The following CECR2 variants were observed in gnomAD, a reference collection of about 807,000 sequenced individuals.
The protein encoded by CECR2 is CECR2 histone acetyl-lysine reader.
A neutral mutation model predicts 154.5 loss-of-function variants in CECR2; 30 were observed. The ratio of observed to expected loss-of-function variants is 0.19; its 90% confidence interval spans 0.15 to 0.26. The LOEUF (loss-of-function observed/expected upper bound fraction) is 0.26. Among genes scored for constraint, CECR2 ranks in the 10% least tolerant of loss-of-function variants. CECR2 has a pLI of 1.00. For missense variants in CECR2, 1,743 were observed against 1,829.3 expected, an observed-to-expected ratio of 0.95 and a Z score of 0.86; for synonymous variants, 725 against 683.7, an observed-to-expected ratio of 1.06 and a Z score of -0.94.
At chr22:17,538,302 T>C (rs2056467998) in intron 10 of CECR2, among the ~76,000 whole-genome samples, 1 of 152,208 alleles carries the variant, frequency 6.6e-6, no homozygotes, top group South Asian at 2.1e-4. Context: ...AACCCCACAT[T>C]TTATAGATGA....
At chr22:17,396,471 C>T (rs145445531) in intron 1 of CECR2, among the ~76,000 whole-genome samples, 7,984 of 152,174 alleles carry the variant, frequency 0.052, 330 homozygotes, top group African/African-American at 0.12. Flanking sequence ...CGCTTGAACC[C>T]GGGAGGCGGA....
Position 17,450,680 on chromosome 22 carries a change from A to G in CECR2, c.127-26908A>G, listed in dbSNP as rs570710464. Among the ~76,000 whole-genome samples, 5 of 152,324 alleles carry G rather than the reference A, an allele frequency of 3.3e-5. No homozygotes were observed. In the South Asian group the frequency reaches 1.0e-3, roughly 32 times the overall value. On this transcript the variant is annotated intron_variant, in intron 1 of 18. Transcript: ENST00000262608. ...TATCTGTGTGGATGTACTTCCTTCT[A>G]TTTAATAATAGTACATTACTCCATC...
At position 17,462,170 on chromosome 22, in the gene CECR2, C is replaced by T. The variant is rs139457928; in HGVS notation, c.127-15418C>T. The stretch of plus-strand genomic sequence containing the variant: ...CTGTAATCCCAGCATTTTGGGAGGC[C>T]GAGGCAGGCGGATCACGAGGTCAGG... On this transcript the variant is annotated intron_variant, in intron 1 of 18. Transcript: ENST00000262608. 0.023 allele frequency among the ~76,000 whole-genome samples: 3,479 copies of T among 151,350 alleles called. 200 individuals carry two copies. In the East Asian group the frequency reaches 0.24, roughly 11 times the overall value.
At chr22:17,507,423 A>G (rs1046879274) in intron 7 of CECR2, among the ~76,000 whole-genome samples, 4 of 152,234 alleles carry the variant, frequency 2.6e-5, no homozygotes, top group Admixed American at 1.3e-4. Context: ...TAAAGTAACA[A>G]TGATGTAAAG....
At chr22:17,385,614 T>C (rs1314712573) in intron 1 of CECR2, among the ~76,000 whole-genome samples, 21 of 152,166 alleles carry the variant, frequency 1.4e-4, no homozygotes, top group Admixed American at 1.2e-3. Flanking sequence ...ACATAACAGA[T>C]TTAATAATAA....
chr22:17,378,519 A>G (rs571623836), intron 1 of CECR2, among the ~76,000 whole-genome samples: 4 of 151,512 alleles, frequency 2.6e-5, no homozygotes, highest in South Asian at 4.2e-4. Flanking sequence ...GATGGTCGCA[A>G]TCTCCTGACC....
chr22:17,504,716 C>T (rs185764794), intron 6 of CECR2, 131 bp from the exon 7 acceptor site: 9,977 of 694,894 alleles, frequency 0.014, 104 homozygotes, highest in Non-Finnish European at 0.019. Flanking sequence ...GCTGGGATTA[C>T]AGGCTTGAGC....
At chr22:17,499,235 C>T (rs1023162396) in intron 3 of CECR2, among the ~76,000 whole-genome samples, 175 bp from the exon 4 acceptor site, 7 of 151,920 alleles carry the variant, frequency 4.6e-5, no homozygotes, top group Non-Finnish European at 8.8e-5. Context: ...ATGATTTGCC[C>T]GCCTCAGCCT....
intron 1 of CECR2, among the ~76,000 whole-genome samples, chr22:17,476,397 G>C (rs1284575756): frequency 6.6e-6 from 1 of 151,860 alleles, no homozygotes; most frequent in Non-Finnish European, 1.5e-5. Context: ...TAGTAGCTGG[G>C]ATCACAGGTG....
Position 17,535,660 on chromosome 22 carries a change from A to G in CECR2, c.1109-1443A>G, listed in dbSNP as rs964481411. On this transcript the variant is annotated intron_variant, in intron 9 of 18. Transcript: ENST00000262608. ...TATTCATTAATTTACAGTTTTCTTT[A>G]TGGTTGAAATTTTTCTTTTTTTTCC... 2.0e-5 allele frequency among the ~76,000 whole-genome samples: 3 copies of G among 149,230 alleles called. No individual in the cohort carries two copies. The South Asian group carries it at 6.3e-4, about 31-fold the overall frequency.
chr22:17,391,415 A>G (rs2063324569), intron 1 of CECR2, among the ~76,000 whole-genome samples: 1 of 152,240 alleles, frequency 6.6e-6, no homozygotes, highest in African/African-American at 2.4e-5. Flanking sequence ...AGTAATTACA[A>G]CAGAGAGTTG....
intron 17 of CECR2, among the ~76,000 whole-genome samples, chr22:17,549,777 CTTTTTGGTTTTTTT>C (rs2056677963): frequency 1.3e-5 from 1 of 74,342 alleles, no homozygotes; most frequent in Non-Finnish European, 2.7e-5. Context: ...ACCCAGCTAA[CTTTTTGGTTTTTTT>C]TTTTTTTTTT....
intron 9 of CECR2, among the ~76,000 whole-genome samples, chr22:17,528,229 A>G (rs1039489202): frequency 6.6e-6 from 1 of 152,238 alleles, no homozygotes; most frequent in African/African-American, 2.4e-5. Flanking sequence ...TCAGCCATAA[A>G]AACAGAAAGA....
In CECR2 at chr22:17,381,395, C is replaced by T. The variant is rs1416464117; in HGVS notation, c.126+11486C>T. 1.1e-4 allele frequency among the ~76,000 whole-genome samples: 16 copies of T among 152,192 alleles called. No homozygotes were observed. The East Asian group carries it at 1.3e-3, about 13-fold the overall frequency. ...TTTTTTTTTAACACGGAACACTTCA[C>T]GACTCTGCGTGTCATCTTGCATAGG... On this transcript the variant is annotated intron_variant, in intron 1 of 18. Transcript: ENST00000262608.
At chr22:17,410,337 A>G (rs185132495) in intron 1 of CECR2, among the ~76,000 whole-genome samples, 1 of 152,252 alleles carries the variant, frequency 6.6e-6, no homozygotes, top group East Asian at 1.9e-4. Flanking sequence ...ATTTGTTTAT[A>G]TAGCGTAAGC....
chr22:17,539,754 A>G (rs931434391), intron 13 of CECR2, among the ~76,000 whole-genome samples: 1 of 152,184 alleles, frequency 6.6e-6, no homozygotes, highest in Non-Finnish European at 1.5e-5. Context: ...CCCTGCTTAA[A>G]AACAGCAGAT....
In CECR2 at chr22:17,412,927, G is replaced by A. The variant is rs538866379; in HGVS notation, c.126+43018G>A. Among the ~76,000 whole-genome samples the A allele has an allele frequency of 1.6e-4, 25 of 152,152 alleles. No individual in the cohort carries two copies. In the East Asian group the frequency reaches 2.3e-3, roughly 14 times the overall value. On this transcript the variant is annotated intron_variant, in intron 1 of 18. Coordinates refer to ENST00000262608, the MANE Select transcript of CECR2 (RefSeq NM_001290047.2). Reference sequence around the variant, plus strand: ...TTGAAGACGATGCTGCTTTTTTTGCGGCTAGGCTGCAGTCGGACTTCTGAT... The same window carrying A: ...TTGAAGACGATGCTGCTTTTTTTGCAGCTAGGCTGCAGTCGGACTTCTGAT...
At chr22:17,496,929 TC>T (rs1174146334) in intron 2 of CECR2, among the ~76,000 whole-genome samples, 1 of 152,214 alleles carries the variant, frequency 6.6e-6, no homozygotes, top group Non-Finnish European at 1.5e-5. Flanking sequence ...AAACACAATA[TC>T]CATGTAAGTA....
intron 1 of CECR2, among the ~76,000 whole-genome samples, chr22:17,375,628 G>A (rs1186356665): frequency 6.6e-6 from 1 of 151,152 alleles, no homozygotes; most frequent in African/African-American, 2.5e-5. Flanking sequence ...GATTAGTAGG[G>A]CCTGCCTGAG....
Sources: allele counts gnomAD v4.1 joint callset (sites outside exome capture counted in the v4.1 genomes callset), GRCh38; gene constraint gnomAD v4.1.1; transcripts MANE v1.5; gene names NCBI Gene and HGNC (gene_info 2026-07-23, HGNC 2026-07-21).